LCLAT1: variants seen among roughly 807,000 people sequenced by gnomAD.
The protein encoded by LCLAT1 is 1-AGP acyltransferase 8.
A neutral mutation model predicts 30.7 loss-of-function variants in LCLAT1; 11 were observed. The observed-to-expected ratio is 0.36, with a 90% CI of 0.23 to 0.59. LCLAT1 has a LOEUF of 0.59. Ranked by LOEUF, LCLAT1 falls within the 20% of genes least tolerant of loss-of-function variation. LCLAT1 has a pLI of 0.77. For synonymous variants in LCLAT1, 155 were observed against 151.3 expected, an observed-to-expected ratio of 1.02 and a Z score of -0.18; for missense variants, 402 against 458.6, an observed-to-expected ratio of 0.88 and a Z score of 1.13.
At chr2:30,576,007 A>C (rs956938852) in intron 5 of LCLAT1, among the ~76,000 whole-genome samples, 1 of 152,122 alleles carries the variant, frequency 6.6e-6, no homozygotes, top group African/African-American at 2.4e-5. Flanking sequence ...TTAATAAAAA[A>C]TTTTGAAAAT....
At chr2:30,621,155 T>G (rs1446940708) in intron 5 of LCLAT1, among the ~76,000 whole-genome samples, 1 of 152,168 alleles carries the variant, frequency 6.6e-6, no homozygotes, top group African/African-American at 2.4e-5. Context: ...GTATTGTTAT[T>G]CTCCCTGCTT....
At chr2:30,588,644 C>T (rs1392644815) in intron 5 of LCLAT1, among the ~76,000 whole-genome samples, 1 of 152,024 alleles carries the variant, frequency 6.6e-6, no homozygotes, top group African/African-American at 2.4e-5. Context: ...TGGAGTACAG[C>T]CAGCCTGTAC....
At position 30,466,249 on chromosome 2, in the gene LCLAT1, C is replaced by CTTTTCTTTTCTTTTCTTTTCT. The variant is rs3060211; in HGVS notation, c.-5+18869_-5+18870insTCTTTTCTTTTCTTTTCTTTT. ...TTCTTTTTTTCTTTTCTTTTCTTTTCTTTCTTTCCTGCTTTCTTTTTTTTT... is the reference window on the plus strand; with the variant it reads ...TTCTTTTTTTCTTTTCTTTTCTTTTCTTTTCTTTTCTTTTCTTTTCTTTTCTTTCCTGCTTTCTTTTTTTTT... On this transcript the variant is annotated intron_variant, in intron 1 of 5. Transcript: ENST00000379509. 4.9e-5 allele frequency among the ~76,000 whole-genome samples: 7 copies of CTTTTCTTTTCTTTTCTTTTCT among 143,854 alleles called. 1 individual carries two copies. The highest frequency in any genetic ancestry group is 2.3e-4 in the South Asian group (1 of 4,282). 94.4% of individuals were successfully genotyped at this position (143,854 alleles called of 152,430 possible).
chr2:30,503,286 C>A (rs1684486375), intron 1 of LCLAT1, among the ~76,000 whole-genome samples: 1 of 152,110 alleles, frequency 6.6e-6, no homozygotes, highest in Non-Finnish European at 1.5e-5. Context: ...CCTGTTTTGG[C>A]CAGTAGGGTT....
intron 2 of LCLAT1, among the ~76,000 whole-genome samples, chr2:30,528,959 A>G (rs188060792): frequency 6.6e-6 from 1 of 152,312 alleles, no homozygotes; most frequent in East Asian, 1.9e-4. Context: ...AAGAACCATC[A>G]AGGGTGTCTT....
intron 3 of LCLAT1, among the ~76,000 whole-genome samples, chr2:30,539,102 G>A (rs1389216303): frequency 6.6e-6 from 1 of 151,934 alleles, no homozygotes; most frequent in African/African-American, 2.4e-5. Context: ...TGGGACTACA[G>A]GCGCACGCCA....
At chr2:30,561,846 G>A (rs1448473102) in intron 3 of LCLAT1, among the ~76,000 whole-genome samples, 2 of 152,118 alleles carry the variant, frequency 1.3e-5, no homozygotes, top group Non-Finnish European at 2.9e-5. Context: ...TTTTGGATAA[G>A]TTAGTGATAA....
intron 3 of LCLAT1, among the ~76,000 whole-genome samples, chr2:30,559,564 A>T (rs563415233): frequency 6.6e-6 from 1 of 152,094 alleles, no homozygotes; most frequent in Admixed American, 6.5e-5. Context: ...TTATTATTCT[A>T]TTGCAAAGTT....
At chr2:30,563,042 TA>T (rs1480765276) in intron 4 of LCLAT1, among the ~76,000 whole-genome samples, 3 of 152,088 alleles carry the variant, frequency 2.0e-5, no homozygotes, top group South Asian at 2.1e-4. Flanking sequence ...TCGGCCTTCC[TA>T]AATATTAAAC....
chr2:30,610,390 A>T (rs1324421109), intron 5 of LCLAT1, among the ~76,000 whole-genome samples: 2 of 152,122 alleles, frequency 1.3e-5, no homozygotes, highest in African/African-American at 4.8e-5. Flanking sequence ...ATCTAAGCTA[A>T]CGCTTTTCAT....
At chr2:30,580,425 T>C (rs1666164806) in intron 5 of LCLAT1, among the ~76,000 whole-genome samples, 1 of 152,170 alleles carries the variant, frequency 6.6e-6, no homozygotes, top group Non-Finnish European at 1.5e-5. Flanking sequence ...GTGCAGCAAC[T>C]ATAATGTATT....
rs553436880 is a variant in LCLAT1, at chr2:30,532,321, G to A, written c.166-795G>A. 5.3e-5 allele frequency among the ~76,000 whole-genome samples: 8 copies of A among 152,070 alleles called. 1 individual carries two copies. Among genetic ancestry groups the A allele is most frequent in the South Asian group, 4.2e-4 (2 of 4,816 alleles). ...CCAAGAGAACTTTTGATTCTGTATC[G>A]TATATTTGCCTTTAGATCAATTTCT... On this transcript the variant is annotated intron_variant, in intron 2 of 5. Coordinates refer to ENST00000379509, the MANE Select transcript of LCLAT1 (RefSeq NM_001002257.3).
chr2:30,504,435 GA>G (rs1417167400), intron 1 of LCLAT1, among the ~76,000 whole-genome samples: 1 of 152,082 alleles, frequency 6.6e-6, no homozygotes, highest in Non-Finnish European at 1.5e-5. Flanking sequence ...TTAGGCTCAG[GA>G]TCTTTGGTGG....
chr2:30,550,793 T>G (rs1664643503), intron 3 of LCLAT1, among the ~76,000 whole-genome samples: 2 of 152,342 alleles, frequency 1.3e-5, no homozygotes, highest in South Asian at 4.1e-4. Context: ...CTCTACTTCC[T>G]GGAGTGCAGA....
intron 5 of LCLAT1, among the ~76,000 whole-genome samples, chr2:30,597,854 G>A (rs1472493138): frequency 6.6e-6 from 1 of 152,204 alleles, no homozygotes; most frequent in Non-Finnish European, 1.5e-5. Context: ...TTTTGAACAT[G>A]AAGGAATGTT....
At chr2:30,539,843 A>G (rs1178685074) in intron 3 of LCLAT1, among the ~76,000 whole-genome samples, 2 of 152,242 alleles carry the variant, frequency 1.3e-5, no homozygotes, top group African/African-American at 4.8e-5. Context: ...TCACAACTGC[A>G]TATCATAACA....
chr2:30,595,114 A>T (rs1247215493), intron 5 of LCLAT1, among the ~76,000 whole-genome samples: 1 of 152,102 alleles, frequency 6.6e-6, no homozygotes, highest in South Asian at 2.1e-4. Flanking sequence ...TTGAAACTTG[A>T]ATCAGTTTTC....
intron 5 of LCLAT1, among the ~76,000 whole-genome samples, chr2:30,633,310 T>C (rs1668855609): frequency 6.6e-6 from 1 of 152,254 alleles, no homozygotes; most frequent in African/African-American, 2.4e-5. Context: ...TCCATGCAGT[T>C]AGATTCATGA....
intron 3 of LCLAT1, among the ~76,000 whole-genome samples, chr2:30,538,872 A>G (rs1172154088): frequency 1.3e-5 from 2 of 152,160 alleles, no homozygotes; most frequent in African/African-American, 4.8e-5. Context: ...AAGTAATGAG[A>G]TTAAATCAAT....
Sources: allele counts gnomAD v4.1 joint callset (sites outside exome capture counted in the v4.1 genomes callset), GRCh38; gene constraint gnomAD v4.1.1; transcripts MANE v1.5; gene names NCBI Gene and HGNC (gene_info 2026-07-23, HGNC 2026-07-21).